DMD: variants seen among roughly 807,000 people sequenced by gnomAD.
The protein encoded by DMD is mutant dystrophin.
In DMD, 63 loss-of-function variants were observed where a neutral mutation model predicts 330.1. The ratio of observed to expected loss-of-function variants is 0.19; its 90% CI spans 0.16 to 0.24. The LOEUF (loss-of-function observed/expected upper bound fraction) is 0.24. Among genes scored for constraint, DMD ranks in the 10% least tolerant of loss-of-function variants. DMD has a pLI of 1.00. For synonymous variants in DMD, 1,223 were observed against 959.8 expected (o/e 1.27, Z -5.07); for missense variants, 3,344 against 2,684.1 (o/e 1.25, Z -5.43).
chrX:32,405,810 G>A (rs999716560), intron 30 of DMD, among the ~76,000 whole-genome samples: 15 of 111,641 alleles, frequency 1.3e-4, no homozygotes, highest in Admixed American at 1.2e-3. Context: ...TAGCTTGATG[G>A]GGATGGCATT....
intron 1 of DMD, among the ~76,000 whole-genome samples, chrX:33,333,625 G>T (rs999529745): frequency 9.0e-6 from 1 of 110,931 alleles, no homozygotes; most frequent in Non-Finnish European, 1.9e-5. Context: ...TGCACATTAT[G>T]GAACTATGGA....
At chrX:31,860,411 G>GT (rs1467223421) in intron 48 of DMD, among the ~76,000 whole-genome samples, 1 of 111,873 alleles carries the variant, frequency 8.9e-6, no homozygotes, top group Non-Finnish European at 1.9e-5. Context: ...TTTGTTTCTT[G>GT]TATGTCAAGA....
intron 51 of DMD, among the ~76,000 whole-genome samples, chrX:31,740,826 A>G (rs2149071973): frequency 8.9e-6 from 1 of 111,763 alleles, no homozygotes; most frequent in South Asian, 3.8e-4. Flanking sequence ...TGCTGCATCG[A>G]TTGGCTCTCC....
At chrX:31,172,761 A>T (rs1018585815) in intron 72 of DMD, among the ~76,000 whole-genome samples, 2 of 111,625 alleles carry the variant, frequency 1.8e-5, no homozygotes, top group Non-Finnish European at 3.8e-5. Flanking sequence ...CTTGTCTTTT[A>T]GGACAATTAC....
chrX:32,466,610 A>G (rs749954368), intron 23 of DMD, among the ~76,000 whole-genome samples: 1 of 111,338 alleles, frequency 9.0e-6, no homozygotes, highest in Non-Finnish European at 1.9e-5. Context: ...AAAGGTCCTA[A>G]TTAAAAGGAA....
chrX:33,277,729 C>T (rs777823221), intron 1 of DMD, among the ~76,000 whole-genome samples: 13 of 111,479 alleles, frequency 1.2e-4, no homozygotes, highest in Non-Finnish European at 2.1e-4. Context: ...ATCTATGGAT[C>T]CAGCCTCTGA....
chrX:31,886,863 A>C (rs769997128), intron 47 of DMD, among the ~76,000 whole-genome samples: 2 of 112,313 alleles, frequency 1.8e-5, no homozygotes, highest in Non-Finnish European at 3.8e-5. Flanking sequence ...GCTTCTTTTA[A>C]AAAAGAAAAT....
chrX:32,763,569 C>T (rs1316637075), intron 7 of DMD, among the ~76,000 whole-genome samples: 1 of 111,471 alleles, frequency 9.0e-6, no homozygotes, highest in Non-Finnish European at 1.9e-5. Flanking sequence ...TCATCATGCT[C>T]TAAACACCAC....
chrX:32,739,477 A>T (rs2148159382), intron 7 of DMD, among the ~76,000 whole-genome samples: 1 of 112,224 alleles, frequency 8.9e-6, no homozygotes, highest in East Asian at 2.8e-4. Flanking sequence ...CACTTTGGAA[A>T]GGTGTATACT....
chrX:32,774,365 T>G (rs932947243), intron 7 of DMD, among the ~76,000 whole-genome samples: 2 of 111,916 alleles, frequency 1.8e-5, no homozygotes, highest in Non-Finnish European at 3.8e-5. Context: ...TCCAAGAGCA[T>G]CTTAAGTTAA....
At chrX:32,517,805 G>T in intron 18 of DMD, 1 of 458,397 alleles carries the variant, frequency 2.2e-6, no homozygotes, top group Non-Finnish European at 3.8e-6. Flanking sequence ...GGCATCCCTA[G>T]TCAGTCACAG....
chrX:32,622,457 G>T (rs1174221608), intron 11 of DMD, among the ~76,000 whole-genome samples: 1 of 111,513 alleles, frequency 9.0e-6, no homozygotes, highest in East Asian at 2.8e-4. Flanking sequence ...CATACTAATT[G>T]AAAATAAATT....
At chrX:31,195,069 G>C (rs1172723729) in intron 67 of DMD, among the ~76,000 whole-genome samples, 1 of 112,025 alleles carries the variant, frequency 8.9e-6, no homozygotes, top group Non-Finnish European at 1.9e-5. Context: ...ACAAGAAGAA[G>C]TAAAAGGCTT....
At chrX:33,135,281 A>G (rs1295299877) in intron 1 of DMD, among the ~76,000 whole-genome samples, 1 of 112,084 alleles carries the variant, frequency 8.9e-6, no homozygotes, top group Non-Finnish European at 1.9e-5. Context: ...CCTGGAACAT[A>G]GTTACCACAA....
chrX:33,126,274 T>C (rs918926945), intron 1 of DMD, among the ~76,000 whole-genome samples: 3 of 112,050 alleles, frequency 2.7e-5, no homozygotes, highest in African/African-American at 9.7e-5. Flanking sequence ...TCTTGTACAG[T>C]GTAAACTAAA....
At chrX:32,105,436 A>G (rs1281537719) in intron 44 of DMD, among the ~76,000 whole-genome samples, 1 of 112,202 alleles carries the variant, frequency 8.9e-6, no homozygotes, top group Non-Finnish European at 1.9e-5. Context: ...GATACATTAA[A>G]TGATTTAAAT....
intron 59 of DMD, among the ~76,000 whole-genome samples, chrX:31,470,931 A>G (rs7064017): frequency 0.26 from 28,648 of 111,133 alleles, 3,381 homozygotes; most frequent in African/African-American, 0.46. Context: ...GAACTTCTTG[A>G]CGGCTTTGTT....
intron 17 of DMD, among the ~76,000 whole-genome samples, chrX:32,543,583 G>A (rs750459793): frequency 1.3e-3 from 146 of 112,267 alleles, no homozygotes; most frequent in African/African-American, 4.4e-3. Context: ...CATGTTTAAT[G>A]TGACAACAAA....
intron 1 of DMD, among the ~76,000 whole-genome samples, chrX:33,139,877 A>AT (rs1274052796): frequency 9.3e-6 from 1 of 107,851 alleles, no homozygotes; most frequent in Non-Finnish European, 1.9e-5. Flanking sequence ...CTAAAAAAAA[A>AT]AAAAAAAAAA....
Sources: allele counts gnomAD v4.1 joint callset (sites outside exome capture counted in the v4.1 genomes callset), GRCh38; gene constraint gnomAD v4.1.1; transcripts MANE v1.5; gene names NCBI Gene and HGNC (gene_info 2026-07-23, HGNC 2026-07-21).